Variants in RBFOX3 observed in about 807,000 individuals in gnomAD.
The protein encoded by RBFOX3 is RNA binding fox-1 homolog 3, also known as RNA binding protein fox-1 homolog 3.
A neutral mutation model predicts 48.7 loss-of-function variants in RBFOX3; 17 were observed. The ratio of observed to expected loss-of-function variants is 0.35; its 90% CI spans 0.24 to 0.52. The LOEUF (loss-of-function observed/expected upper bound fraction) is 0.52. Ranked by LOEUF, RBFOX3 falls within the 20% of genes least tolerant of loss-of-function variation. The pLI is 0.94. For missense variants in RBFOX3, 382 were observed against 497.5 expected (o/e 0.77, Z 2.21); for synonymous variants, 212 against 209.5 (o/e 1.01, Z -0.10).
At chr17:79,463,122 T>C (rs868938891) in intron 2 of RBFOX3, among the ~76,000 whole-genome samples, 1,047 of 26,694 alleles carry the variant, frequency 0.039, no homozygotes, top group African/African-American at 0.051. Context: ...GCCACTGCCA[T>C]CGCCACCGCC....
At chr17:79,593,559 G>A (rs1440939830) in intron 1 of RBFOX3, among the ~76,000 whole-genome samples, 9 of 152,254 alleles carry the variant, frequency 5.9e-5, no homozygotes, top group African/African-American at 2.2e-4. Flanking sequence ...CAGAGATCTG[G>A]GAACACCGAG....
chr17:79,428,007 C>T (rs552280447), intron 2 of RBFOX3, among the ~76,000 whole-genome samples: 5 of 152,350 alleles, frequency 3.3e-5, no homozygotes, highest in East Asian at 1.9e-4. Context: ...CACAAAACCA[C>T]GGCATCCCCA....
At chr17:79,134,388 G>C (rs1479333259) in intron 4 of RBFOX3, among the ~76,000 whole-genome samples, 1 of 152,222 alleles carries the variant, frequency 6.6e-6, no homozygotes, top group Admixed American at 6.5e-5. Context: ...CTTGGGAGTT[G>C]GTGGTCCGGG....
chr17:79,110,137 A>T (rs2030446581), intron 5 of RBFOX3, among the ~76,000 whole-genome samples: 2 of 152,032 alleles, frequency 1.3e-5, no homozygotes, highest in Non-Finnish European at 2.9e-5. Flanking sequence ...ACTCAAAAAA[A>T]AAAAAAAAAG....
At chr17:79,149,345 TG>T (rs2042143235) in intron 4 of RBFOX3, among the ~76,000 whole-genome samples, 2 of 149,858 alleles carry the variant, frequency 1.3e-5, no homozygotes, top group African/African-American at 5.0e-5. Context: ...GTGGGGGGAG[TG>T]GGGGCACGGG....
At chr17:79,437,696 T>C (rs1220751933) in intron 2 of RBFOX3, among the ~76,000 whole-genome samples, 1 of 152,204 alleles carries the variant, frequency 6.6e-6, no homozygotes, top group East Asian at 1.9e-4. Context: ...CATTCCCAAA[T>C]GCCAGGCTCC....
At chr17:79,627,604 A>ATCCG in the RBFOX3 span, among the ~76,000 whole-genome samples, 1 of 152,176 alleles carries the variant, frequency 6.6e-6, no homozygotes, top group Admixed American at 6.5e-5. Flanking sequence ...CTCTCCAAGG[A>ATCCG]TCCGAGACCC....
intron 3 of RBFOX3, among the ~76,000 whole-genome samples, chr17:79,280,591 G>A (rs111528574): frequency 1.5e-3 from 226 of 152,292 alleles, no homozygotes; most frequent in African/African-American, 5.2e-3. Context: ...TTCCCATAAC[G>A]CCTTTGAGGA....
chr17:79,642,318 T>G, the RBFOX3 span, among the ~76,000 whole-genome samples: 1 of 152,198 alleles, frequency 6.6e-6, no homozygotes, highest in African/African-American at 2.4e-5. Context: ...TAGTTAATAA[T>G]AGTTGAAATT....
At chr17:79,206,699 G>C (rs1394633552) in intron 4 of RBFOX3, among the ~76,000 whole-genome samples, 1 of 152,164 alleles carries the variant, frequency 6.6e-6, no homozygotes, top group East Asian at 1.9e-4. Flanking sequence ...CCCCTGGCAG[G>C]AACAAACCTG....
chr17:79,514,042 GC>G (rs1252088431), intron 1 of RBFOX3, among the ~76,000 whole-genome samples: 1 of 152,216 alleles, frequency 6.6e-6, no homozygotes, highest in African/African-American at 2.4e-5. Flanking sequence ...CGTGACCTCA[GC>G]CAGGCCAATC....
Position 79,412,693 on chromosome 17 carries a change from G to T in RBFOX3, c.-175+69761C>A, listed in dbSNP as rs556145614. On this transcript the variant is annotated intron_variant, in intron 2 of 14. Transcript: ENST00000693108. ...GTGTATGGTATATGTGTATATGTGTGTATGCACATATGTGTATGTGTGAGG... is the reference window on the plus strand; with the variant it reads ...GTGTATGGTATATGTGTATATGTGTTTATGCACATATGTGTATGTGTGAGG... Among the ~76,000 whole-genome samples, 41 of 151,996 alleles carry T rather than the reference G, an allele frequency of 2.7e-4. No homozygotes were observed. In the East Asian group the frequency reaches 7.9e-3, roughly 29 times the overall value.
At chr17:79,150,871 C>T (rs2044267718) in intron 4 of RBFOX3, among the ~76,000 whole-genome samples, 1 of 152,200 alleles carries the variant, frequency 6.6e-6, no homozygotes, top group South Asian at 2.1e-4. Flanking sequence ...CCCGTGTGCG[C>T]AATGGGAGGA....
intron 2 of RBFOX3, among the ~76,000 whole-genome samples, chr17:79,381,499 G>A (rs1489060074): frequency 1.3e-5 from 2 of 152,178 alleles, no homozygotes; most frequent in South Asian, 2.1e-4. Flanking sequence ...GGGCTGCCGT[G>A]TCAGACAGCG....
chr17:79,465,172 T>C lies in RBFOX3; in HGVS notation c.-175+17282A>G, dbSNP rs201441523. On this transcript the variant is annotated intron_variant, in intron 2 of 14. Transcript: ENST00000693108. ...CGAGCCGATGAAACGCACCACGACC[T>C]TGGCTTCCCGAGGCGGCCTCCCCTC... is the stretch of plus-strand genomic sequence containing the variant. 3.3e-5 allele frequency among the ~76,000 whole-genome samples: 5 copies of C among 152,176 alleles called. No homozygotes were observed. The East Asian group carries it at 9.6e-4, about 29-fold the overall frequency.
chr17:79,545,968 G>A (rs1047854905), intron 1 of RBFOX3, among the ~76,000 whole-genome samples: 2 of 152,244 alleles, frequency 1.3e-5, no homozygotes, highest in South Asian at 2.1e-4. Flanking sequence ...GCGTGTGCAC[G>A]TGTGTGTGCA....
intron 4 of RBFOX3, among the ~76,000 whole-genome samples, chr17:79,187,990 T>C (rs2053757154): frequency 6.6e-6 from 1 of 152,202 alleles, no homozygotes; most frequent in Non-Finnish European, 1.5e-5. Flanking sequence ...GGCTTCCTTA[T>C]ATCAGGAGTC....
intron 6 of RBFOX3, among the ~76,000 whole-genome samples, chr17:79,106,183 CAA>C (rs370913194): frequency 2.6e-5 from 4 of 152,036 alleles, no homozygotes; most frequent in African/African-American, 9.7e-5. Context: ...CCCGGGCACA[CAA>C]GAGAGGCCAG....
intron 1 of RBFOX3, among the ~76,000 whole-genome samples, chr17:79,575,547 G>A (rs2144666257): frequency 6.6e-6 from 1 of 152,330 alleles, no homozygotes; most frequent in African/African-American, 2.4e-5. Context: ...TAGTGACAAG[G>A]TCAGCCTTCG....
Sources: allele counts gnomAD v4.1 joint callset (sites outside exome capture counted in the v4.1 genomes callset), GRCh38; gene constraint gnomAD v4.1.1; transcripts MANE v1.5; gene names NCBI Gene and HGNC (gene_info 2026-07-23, HGNC 2026-07-21).